CCDC68: variants seen among roughly 807,000 people sequenced by gnomAD.
CCDC68 encodes the protein coiled-coil domain containing 68, also known as coiled-coil domain-containing protein 68.
Under a neutral mutation model 47.1 loss-of-function variants are expected in CCDC68, and 45 were observed. That is an observed-to-expected ratio of 0.96 (90% CI 0.75 to 1.23). CCDC68 has a LOEUF of 1.23. CCDC68 is among the 50% of genes most tolerant of loss of function. The pLI is 0.00. For synonymous variants in CCDC68, 131 were observed against 129.5 expected (o/e 1.01, Z -0.08); for missense variants, 353 against 373.6 (o/e 0.94, Z 0.45).
At chr18:54,927,301 A>C (rs965689048) in intron 8 of CCDC68, among the ~76,000 whole-genome samples, 3 of 152,208 alleles carry the variant, frequency 2.0e-5, no homozygotes, top group Non-Finnish European at 4.4e-5. Context: ...AGAAATTTCT[A>C]AAACTTCCTT....
intron 10 of CCDC68, among the ~76,000 whole-genome samples, chr18:54,912,999 CA>C (rs1256541892): frequency 5.3e-5 from 8 of 152,306 alleles, no homozygotes; most frequent in Admixed American, 2.0e-4. Flanking sequence ...AGCTACAATT[CA>C]AGATGAGGTT....
At chr18:54,905,314 G>A (rs1267944234) in intron 11 of CCDC68, among the ~76,000 whole-genome samples, 7 of 145,180 alleles carry the variant, frequency 4.8e-5, no homozygotes, top group African/African-American at 7.7e-5. Context: ...GTTGGGAAGA[G>A]GGGAGGGGAA....
At chr18:54,909,100 C>T (rs1373699181) in intron 10 of CCDC68, among the ~76,000 whole-genome samples, 1 of 152,190 alleles carries the variant, frequency 6.6e-6, no homozygotes, top group Non-Finnish European at 1.5e-5. Context: ...CAAGCTGTTT[C>T]CTCCTGTCCA....
chr18:54,947,971 A>T (rs1346418437), intron 1 of CCDC68, among the ~76,000 whole-genome samples: 1 of 152,178 alleles, frequency 6.6e-6, no homozygotes, highest in Non-Finnish European at 1.5e-5. Flanking sequence ...GTGAACCATA[A>T]TCCATGTGAT....
intron 1 of CCDC68, among the ~76,000 whole-genome samples, chr18:54,956,414 C>T (rs141385466): frequency 1.0e-3 from 159 of 152,318 alleles, no homozygotes; most frequent in African/African-American, 3.8e-3. Context: ...AGAGTCAAAG[C>T]ACCAAATAAG....
intron 10 of CCDC68, among the ~76,000 whole-genome samples, chr18:54,913,356 T>C (rs957759952): frequency 6.6e-6 from 1 of 152,256 alleles, no homozygotes; most frequent in African/African-American, 2.4e-5. Flanking sequence ...ATGATCATTT[T>C]TCATAAACTG....
intron 7 of CCDC68, among the ~76,000 whole-genome samples, chr18:54,929,726 C>T (rs1468025852): frequency 3.9e-5 from 6 of 152,108 alleles, no homozygotes; most frequent in Admixed American, 6.6e-5. Flanking sequence ...AATTACTTCC[C>T]GCTGCAGCAT....
intron 10 of CCDC68, among the ~76,000 whole-genome samples, chr18:54,908,974 T>C (rs1914178365): frequency 6.6e-6 from 1 of 152,152 alleles, no homozygotes; most frequent in East Asian, 1.9e-4. Flanking sequence ...CCTCCCGAAG[T>C]GCTGGGATTG....
intron 4 of CCDC68, among the ~76,000 whole-genome samples, chr18:54,940,101 C>CTCTCATT (rs1335216219): frequency 6.6e-6 from 1 of 152,108 alleles, no homozygotes; most frequent in Non-Finnish European, 1.5e-5. Context: ...CTTAGATCTT[C>CTCTCATT]TCTCATTTCT....
intron 8 of CCDC68, among the ~76,000 whole-genome samples, chr18:54,925,776 CT>C (rs1447741300): frequency 6.6e-6 from 1 of 152,158 alleles, no homozygotes; most frequent in Non-Finnish European, 1.5e-5. Context: ...GTAAACATCA[CT>C]GACTATGGGC....
intron 6 of CCDC68, among the ~76,000 whole-genome samples, chr18:54,936,206 AT>A (rs1599070499): frequency 7.1e-6 from 1 of 141,012 alleles, no homozygotes; most frequent in East Asian, 2.0e-4. Flanking sequence ...AATTATTTAT[AT>A]AGATAAATAT....
chr18:54,946,254 A>G (rs1267211371), intron 1 of CCDC68, among the ~76,000 whole-genome samples: 2 of 152,226 alleles, frequency 1.3e-5, no homozygotes, highest in Non-Finnish European at 2.9e-5. Context: ...CACAAACAGC[A>G]GAGTTCAGTA....
At chr18:54,922,135 G>A (rs1169005858) in intron 8 of CCDC68, among the ~76,000 whole-genome samples, 1 of 152,136 alleles carries the variant, frequency 6.6e-6, no homozygotes, top group African/African-American at 2.4e-5. Flanking sequence ...TCAGAGAATG[G>A]CTGCATCAGC....
In CCDC68 at chr18:54,934,555, A is replaced by G. The variant is rs538207784; in HGVS notation, c.600+265T>C. On this transcript the variant is annotated intron_variant, in intron 7 of 11. Coordinates refer to ENST00000591504, the MANE Select transcript of CCDC68 (RefSeq NM_025214.3). ...CACCTGGTTCCCCTTTCTAAGTCAC[A>G]TATTTCCTAGAAAGAGAAAGTGACA... Among the ~76,000 whole-genome samples the G allele has an allele frequency of 2.0e-3, 311 of 152,322 alleles. 1 individual carries two copies. Among genetic ancestry groups the G allele is most frequent in the African/African-American group, 7.3e-3 (302 of 41,568 alleles).
At chr18:54,916,944 C>T (rs2043963191) in intron 10 of CCDC68, among the ~76,000 whole-genome samples, 3 of 152,238 alleles carry the variant, frequency 2.0e-5, no homozygotes, top group Admixed American at 2.0e-4. Context: ...CCTACTGACA[C>T]TTCTCTTGCC....
At position 54,929,053 on chromosome 18, in the gene CCDC68, T is replaced by C. The variant is rs370491278; in HGVS notation, c.601-171A>G. Among the ~76,000 whole-genome samples, 9 of 152,358 alleles carry C rather than the reference T, an allele frequency of 5.9e-5. No individual in the cohort carries two copies. The South Asian group carries it at 1.9e-3, about 32-fold the overall frequency. On this transcript the variant is annotated intron_variant, in intron 7 of 11. Transcript: ENST00000591504. ...AGTATTCTCCTGTGTGCTTTGCACATAGTTCAACTATAGGCCAAAAATAGT... is the reference window on the plus strand; with the variant it reads ...AGTATTCTCCTGTGTGCTTTGCACACAGTTCAACTATAGGCCAAAAATAGT...
intron 8 of CCDC68, among the ~76,000 whole-genome samples, chr18:54,923,645 A>C (rs1419382812): frequency 6.6e-6 from 1 of 152,140 alleles, no homozygotes; most frequent in African/African-American, 2.4e-5. Flanking sequence ...AAATGTAAAA[A>C]TATATCTAAG....
intron 8 of CCDC68, among the ~76,000 whole-genome samples, chr18:54,921,159 G>C (rs141025808): frequency 1.3e-5 from 2 of 152,058 alleles, no homozygotes; most frequent in African/African-American, 4.8e-5. Context: ...AAACACAAAC[G>C]TAAAGAAGGA....
chr18:54,920,245 T>C (rs1340986206), intron 8 of CCDC68, among the ~76,000 whole-genome samples: 6 of 150,558 alleles, frequency 4.0e-5, no homozygotes, highest in African/African-American at 9.9e-5. Context: ...TCTTTTTTTT[T>C]TTTTTTTTGT....
Sources: gnomAD v4.1 joint callset for allele counts (sites outside exome capture counted in the v4.1 genomes callset) on GRCh38, gnomAD v4.1.1 for gene constraint, MANE v1.5 for transcripts, NCBI Gene and HGNC (gene_info 2026-07-23, HGNC 2026-07-21) for gene names.